ATR: variants seen among roughly 807,000 people sequenced by gnomAD.
ATR encodes ATR checkpoint kinase, also known as serine/threonine-protein kinase ATR.
In ATR, 142 loss-of-function variants were observed where a neutral mutation model predicts 305.3. The ratio of observed to expected loss-of-function variants is 0.47; its 90% CI spans 0.41 to 0.53. ATR has a LOEUF of 0.53. Ranked by LOEUF, ATR falls within the 20% of genes least tolerant of loss-of-function variation. ATR has a pLI of 0.00. For synonymous variants in ATR, 1,050 were observed against 1,068.1 expected, an observed-to-expected ratio of 0.98 and a Z score of 0.33; for missense variants, 2,135 against 3,133.1, an observed-to-expected ratio of 0.68 and a Z score of 7.60.
In ATR at chr3:142,487,923, T is replaced by C. The variant is rs571994558; in HGVS notation, c.6079-2641A>G. 1.2e-4 allele frequency among the ~76,000 whole-genome samples: 18 copies of C among 152,340 alleles called. No individual in the cohort carries two copies. The South Asian group carries it at 3.1e-3, about 26-fold the overall frequency. On this transcript the variant is annotated intron_variant, in intron 35 of 46. Coordinates refer to ENST00000350721, the MANE Select transcript of ATR (RefSeq NM_001184.4). Reference sequence around the variant, plus strand: ...TACCCAAGTGATACAACAACATTTATTGAAAAGACTATTTTGGTTATTCAC... The same window carrying C: ...TACCCAAGTGATACAACAACATTTACTGAAAAGACTATTTTGGTTATTCAC...
chr3:142,571,532 A>C (rs1055463634), intron 1 of ATR, among the ~76,000 whole-genome samples: 3 of 152,100 alleles, frequency 2.0e-5, no homozygotes, highest in Admixed American at 6.5e-5. Context: ...TATCATGTAC[A>C]CCCAAAGCAG....
At chr3:142,538,839 G>A (rs1041839754) in intron 18 of ATR, among the ~76,000 whole-genome samples, 6 of 151,940 alleles carry the variant, frequency 3.9e-5, no homozygotes, top group African/African-American at 1.4e-4. Flanking sequence ...AGTGTTTGGG[G>A]CAGAATTAAT....
intron 46 of ATR, chr3:142,451,108 C>T (rs1049172779): frequency 6.3e-6 from 8 of 1,268,200 alleles, no homozygotes; most frequent in Non-Finnish European, 8.1e-6. Flanking sequence ...TGAAACAGCC[C>T]CTGCTGCTCA....
chr3:142,533,134 T>TA (rs1004961865), intron 21 of ATR, among the ~76,000 whole-genome samples: 14 of 147,344 alleles, frequency 9.5e-5, no homozygotes, highest in Admixed American at 1.4e-4. Context: ...CCCCATCTCT[T>TA]AAAAAAAAAA....
Position 142,563,213 on chromosome 3 carries a change from A to G in ATR, c.293-104T>C, listed in dbSNP as rs1293464891. On this transcript the variant is annotated intron_variant, in intron 3 of 46. Coordinates refer to ENST00000350721, the MANE Select transcript of ATR (RefSeq NM_001184.4). Reference sequence around the variant, plus strand: ...GACTTTTAAAGAATAAACTTCACTAACAAGAGTGTAAAACATTCTCTTCAC... The same window carrying G: ...GACTTTTAAAGAATAAACTTCACTAGCAAGAGTGTAAAACATTCTCTTCAC... 5 of 1,170,858 alleles carry G rather than the reference A, an allele frequency of 4.3e-6. No individual in the cohort carries two copies. In the East Asian group the frequency reaches 1.2e-4, roughly 28 times the overall value. 72.5% of individuals were successfully genotyped at this position (1,170,858 alleles called of 1,614,324 possible).
At chr3:142,488,898 T>C (rs888138010) in intron 35 of ATR, among the ~76,000 whole-genome samples, 3 of 152,238 alleles carry the variant, frequency 2.0e-5, no homozygotes, top group African/African-American at 7.2e-5. Context: ...CATTCATACA[T>C]GTATTCTAGC....
At chr3:142,471,438 C>A (rs964345698) in intron 36 of ATR, among the ~76,000 whole-genome samples, 2 of 152,106 alleles carry the variant, frequency 1.3e-5, no homozygotes, top group Non-Finnish European at 2.9e-5. Flanking sequence ...TTTTGAGACC[C>A]ATAGAGACAG....
chr3:142,476,353 C>T (rs908100216), intron 36 of ATR, among the ~76,000 whole-genome samples: 1 of 152,112 alleles, frequency 6.6e-6, no homozygotes, highest in Non-Finnish European at 1.5e-5. Flanking sequence ...AATAGGGAAT[C>T]CTTTCCCCAT....
intron 21 of ATR, among the ~76,000 whole-genome samples, chr3:142,529,835 A>T (rs916383118): frequency 2.0e-5 from 3 of 151,888 alleles, no homozygotes; most frequent in Non-Finnish European, 2.9e-5. Flanking sequence ...TTGAAAAAAA[A>T]TTTTTTGGCC....
intron 27 of ATR, among the ~76,000 whole-genome samples, chr3:142,511,284 C>A (rs963651724): frequency 6.6e-6 from 1 of 152,062 alleles, no homozygotes; most frequent in African/African-American, 2.4e-5. Context: ...ATTAGCATCT[C>A]ATTTATTTCA....
chr3:142,451,865 C>T (rs1311319511), intron 46 of ATR: 18 of 1,318,374 alleles, frequency 1.4e-5, no homozygotes, highest in South Asian at 2.5e-5. Context: ...AGAAATGGAG[C>T]GAGCAGAAGT....
At chr3:142,566,558 A>C (rs1265470725) in intron 2 of ATR, among the ~76,000 whole-genome samples, 1 of 149,688 alleles carries the variant, frequency 6.7e-6, no homozygotes, top group Non-Finnish European at 1.5e-5. Context: ...CAGAAGTTCA[A>C]GGCAGTAGTG....
intron 6 of ATR, 25 bp from the exon 7 acceptor site, chr3:142,559,466 A>C (rs1219327767): frequency 1.2e-6 from 2 of 1,604,830 alleles, no homozygotes; most frequent in Non-Finnish European, 1.7e-6. Context: ...TTTTGTTAAA[A>C]ACATTGGAAT....
chr3:142,494,576 G>A (rs2031477725), intron 34 of ATR, among the ~76,000 whole-genome samples: 1 of 152,164 alleles, frequency 6.6e-6, no homozygotes, highest in African/African-American at 2.4e-5. Context: ...TTTCAAGAAT[G>A]AGTAGAAATC....
In ATR at chr3:142,559,447, G is replaced by GT; in HGVS notation, c.1542-7dup. On this transcript the variant is annotated splice_region_variant and splice_polypyrimidine_tract_variant and intron_variant, in intron 6 of 46. Coordinates refer to ENST00000350721, the MANE Select transcript of ATR (RefSeq NM_001184.4). The stretch of plus-strand genomic sequence containing the variant: ...GACAGTCCTTGAAAGTACGGCTGCA[G>GT]TAAGTACATTTTGTTAAAAACATTG... The GT allele has an allele frequency of 1.2e-6, 2 of 1,612,058 alleles. No homozygotes were observed. Among genetic ancestry groups the GT allele is most frequent in the East Asian group, 2.2e-5 (1 of 44,822 alleles).
intron 21 of ATR, among the ~76,000 whole-genome samples, chr3:142,532,645 C>T (rs2033702883): frequency 1.3e-5 from 2 of 152,142 alleles, no homozygotes; most frequent in South Asian, 2.1e-4. Flanking sequence ...GCTATACCAG[C>T]GATCATCTTA....
chr3:142,558,920 C>G (rs1367800648), intron 7 of ATR, 144 bp from the exon 8 acceptor site: 5 of 848,210 alleles, frequency 5.9e-6, no homozygotes, highest in Non-Finnish European at 8.9e-6. Flanking sequence ...AAACGATGGT[C>G]TGAGGTCTGT....
chr3:142,563,026 C>A lies in ATR; in HGVS notation c.376G>T (p.Val126Phe). ...AAAAGAAATAATAATGAACAGATGA[C>A]TTCACAGATTTTCTTGTGTAACAAA... The part of the protein sequence containing the change: ...CHLLHKKICE[V>F]ICSLLFLFKS... Residue 126 changes from valine to phenylalanine, a missense_variant, in exon 4 of 47, where the codon GTC becomes TTC. Physicochemically the swap from Val to Phe is conservative, Grantham distance 50 (BLOSUM62 -1). Coordinates refer to ENST00000350721, the MANE Select transcript of ATR (RefSeq NM_001184.4). The A allele has an allele frequency of 6.3e-7, 1 of 1,599,134 alleles. No homozygotes were observed. Among genetic ancestry groups the A allele is most frequent in the Non-Finnish European group, 8.5e-7 (1 of 1,175,290 alleles).
In ATR at chr3:142,538,502, G is replaced by A. The variant is rs745769052; in HGVS notation, c.3705C>T (p.His1235=). The change falls in exon 19 of 47, where the codon CAC becomes CAT. Residue 1235 remains histidine, a synonymous_variant. Transcript: ENST00000350721. ...AATACCTGTTTTCAATTATGAGGTA[G>A]TGGAAGATAGCTGCAGTTTCTTTAG... ...IQPKETAAIF[H]YLIIENRDAV... 18 of 1,612,744 alleles carry A rather than the reference G, an allele frequency of 1.1e-5. No individual in the cohort carries two copies. The highest frequency in any genetic ancestry group is 8.3e-5 in the Admixed American group (5 of 59,938).
Sources: gnomAD v4.1 joint callset for allele counts (sites outside exome capture counted in the v4.1 genomes callset) on GRCh38, gnomAD v4.1.1 for gene constraint, MANE v1.5 for transcripts, NCBI Gene and HGNC (gene_info 2026-07-23, HGNC 2026-07-21) for gene names.